ANKRD6: variants seen among roughly 807,000 people sequenced by gnomAD.
ANKRD6 encodes the protein ankyrin repeat domain 6.
A neutral mutation model predicts 82.3 loss-of-function variants in ANKRD6; 56 were observed. The ratio of observed to expected loss-of-function variants is 0.68; its 90% CI spans 0.55 to 0.85. The LOEUF (loss-of-function observed/expected upper bound fraction) is 0.85, where lower values mean the gene tolerates loss of function less well. Among genes scored for constraint, ANKRD6 ranks in the 40% least tolerant of loss-of-function variants. The pLI is 0.00. For missense variants in ANKRD6, 852 were observed against 907.6 expected, an observed-to-expected ratio of 0.94 and a Z score of 0.79; for synonymous variants, 347 against 352.1, an observed-to-expected ratio of 0.99 and a Z score of 0.16.
At chr6:89,435,448 C>G (rs1188420099) in intron 1 of ANKRD6, among the ~76,000 whole-genome samples, 1 of 152,180 alleles carries the variant, frequency 6.6e-6, no homozygotes, top group African/African-American at 2.4e-5. Context: ...AGTTTCCCAA[C>G]AAGCATTTCC....
At chr6:89,446,581 A>G (rs1204540071) in intron 1 of ANKRD6, among the ~76,000 whole-genome samples, 1 of 151,966 alleles carries the variant, frequency 6.6e-6, no homozygotes, top group Non-Finnish European at 1.5e-5. Flanking sequence ...TCTTGAAAGA[A>G]ATTAAAAGTG....
intron 2 of ANKRD6, among the ~76,000 whole-genome samples, chr6:89,593,196 C>T (rs1795234072): frequency 6.6e-6 from 1 of 152,208 alleles, no homozygotes; most frequent in African/African-American, 2.4e-5. Context: ...ATGCTGTCAC[C>T]TCCCTCATAG....
intron 2 of ANKRD6, among the ~76,000 whole-genome samples, chr6:89,585,542 A>T (rs774485989): frequency 5.9e-5 from 9 of 152,262 alleles, no homozygotes; most frequent in Non-Finnish European, 8.8e-5. Flanking sequence ...AATGGGCCCA[A>T]GAATAAGCAG....
chr6:89,595,777 A>C (rs1352743462), intron 2 of ANKRD6, 139 bp from the exon 3 acceptor site: 3 of 648,178 alleles, frequency 4.6e-6, no homozygotes, highest in Non-Finnish European at 8.1e-6. Context: ...AACCCATAAG[A>C]ATCTCCTGCC....
chr6:89,621,612 T>C (rs1803334666), intron 9 of ANKRD6: 1 of 322,198 alleles, frequency 3.1e-6, no homozygotes, highest in Admixed American at 4.5e-5. Context: ...TGGCACTCCC[T>C]GGAGCACAGT....
chr6:89,596,248 C>T (rs1795864141), intron 3 of ANKRD6, among the ~76,000 whole-genome samples: 2 of 152,036 alleles, frequency 1.3e-5, no homozygotes, highest in Non-Finnish European at 2.9e-5. Flanking sequence ...TCATGGTTCA[C>T]TTCCTGTCTA....
At chr6:89,517,024 A>G (rs1294276578) in intron 1 of ANKRD6, among the ~76,000 whole-genome samples, 1 of 152,148 alleles carries the variant, frequency 6.6e-6, no homozygotes, top group East Asian at 1.9e-4. Flanking sequence ...GCATACCACC[A>G]AAACGAGATG....
intron 2 of ANKRD6, among the ~76,000 whole-genome samples, chr6:89,583,359 A>G (rs528858577): frequency 1.2e-4 from 18 of 152,370 alleles, no homozygotes; most frequent in Admixed American, 4.6e-4. Context: ...AAGCAAACAT[A>G]TGCTGTGAAT....
rs1428875465 is a variant in ANKRD6, at chr6:89,571,275, C to T, written c.120+4179C>T. ...TCACCGTGTTAGCCAGGGGTGGTCT[C>T]GATCTCCTGACCTCGTGATCCGCTG... On this transcript the variant is annotated intron_variant, in intron 2 of 15. Coordinates refer to ENST00000339746, the MANE Select transcript of ANKRD6 (RefSeq NM_001242809.2). Among the ~76,000 whole-genome samples the T allele has an allele frequency of 3.9e-5, 6 of 152,176 alleles. No homozygotes were observed. In the East Asian group the frequency reaches 9.6e-4, roughly 24 times the overall value.
chr6:89,498,802 T>C (rs534472936), intron 1 of ANKRD6, among the ~76,000 whole-genome samples: 1 of 152,346 alleles, frequency 6.6e-6, no homozygotes, highest in South Asian at 2.1e-4. Flanking sequence ...AGAAATAAGC[T>C]CCTGAATAGC....
intron 1 of ANKRD6, among the ~76,000 whole-genome samples, chr6:89,537,337 A>G (rs1783957334): frequency 6.6e-6 from 1 of 152,148 alleles, no homozygotes; most frequent in African/African-American, 2.4e-5. Flanking sequence ...GTATTACTTT[A>G]CATTATTTCT....
chr6:89,535,518 A>G (rs1243567894), intron 1 of ANKRD6, among the ~76,000 whole-genome samples: 2 of 152,172 alleles, frequency 1.3e-5, no homozygotes, highest in Admixed American at 1.3e-4. Flanking sequence ...CGTGATGCAC[A>G]TATGGTTGTT....
At chr6:89,594,258 G>A (rs1795432668) in intron 2 of ANKRD6, among the ~76,000 whole-genome samples, 1 of 152,062 alleles carries the variant, frequency 6.6e-6, no homozygotes, top group Admixed American at 6.6e-5. Flanking sequence ...TTCAAGACCA[G>A]CCTAAGCAAC....
At position 89,624,658 on chromosome 6, in the gene ANKRD6, G is replaced by A; in HGVS notation, c.1338G>A (p.Lys446=). ...LGSVQDKMNT[K]LGQMENKTQH... ...CGGTTCAGGACAAAATGAATACAAA[G>A]CTGGGGCAGATGGAGAATAAGACCC... Residue 446 remains lysine (K), a synonymous_variant, in exon 13 of 16, where the codon AAG becomes AAA. Transcript: ENST00000339746. 1 of 1,599,398 alleles carries A rather than the reference G, an allele frequency of 6.3e-7. No individual in the cohort carries two copies. Among genetic ancestry groups the A allele is most frequent in the East Asian group, 2.3e-5 (1 of 44,382 alleles).
intron 13 of ANKRD6, among the ~76,000 whole-genome samples, chr6:89,626,560 C>T (rs1253114846): frequency 6.6e-6 from 1 of 152,214 alleles, no homozygotes; most frequent in Admixed American, 6.5e-5. Flanking sequence ...ACAGAAGGTG[C>T]TCACCACGTC....
At chr6:89,539,630 T>A (rs1457992512) in intron 1 of ANKRD6, among the ~76,000 whole-genome samples, 1 of 152,184 alleles carries the variant, frequency 6.6e-6, no homozygotes, top group Non-Finnish European at 1.5e-5. Context: ...TCATGAAGAA[T>A]GAGGTGTCCA....
chr6:89,607,124 C>T (rs540722529), intron 5 of ANKRD6, among the ~76,000 whole-genome samples: 24 of 149,562 alleles, frequency 1.6e-4, no homozygotes, highest in East Asian at 5.9e-4. Flanking sequence ...GAGCTTAGTT[C>T]GTGCCACTGT....
chr6:89,482,393 T>C (rs16881894), intron 1 of ANKRD6, among the ~76,000 whole-genome samples: 24,711 of 152,258 alleles, frequency 0.16, 2,259 homozygotes, highest in South Asian at 0.34. Context: ...TTCATCCCAG[T>C]ATAAATCATT....
Position 89,606,061 on chromosome 6 carries a change from A to C in ANKRD6, c.373A>C (p.Lys125Gln), listed in dbSNP as rs369790882. 20 of 1,594,968 alleles carry C rather than the reference A, an allele frequency of 1.3e-5. No homozygotes were observed. The African/African-American group carries it at 2.0e-4, about 16-fold the overall frequency. The change falls in exon 5 of 16, where the codon AAG (lysine) becomes CAG (glutamine). Residue 125 changes from lysine (K) to glutamine (Q), a missense_variant. Transcript: ENST00000339746. Reference protein sequence around the residue: ...ASWHGFSQSAKLLIKAGANVL... With the variant: ...ASWHGFSQSAQLLIKAGANVL... ...CTGGCATGGTTTCAGCCAGTCAGCCAAGCTGCTCATTAAAGCAGGAGCCAA... is the reference window on the plus strand; with the variant it reads ...CTGGCATGGTTTCAGCCAGTCAGCCCAGCTGCTCATTAAAGCAGGAGCCAA...
Sources: gnomAD v4.1 joint callset for allele counts (sites outside exome capture counted in the v4.1 genomes callset) on GRCh38, gnomAD v4.1.1 for gene constraint, MANE v1.5 for transcripts, NCBI Gene and HGNC (gene_info 2026-07-23, HGNC 2026-07-21) for gene names.